Variants in ZNF438 observed in about 807,000 individuals in gnomAD.
ZNF438 encodes the protein zinc finger protein 438.
ZNF438 carries 25 observed loss-of-function variants against 38.0 expected under a neutral mutation model. The ratio of observed to expected loss-of-function variants is 0.66; its 90% CI spans 0.48 to 0.92. The LOEUF is 0.92. Among genes scored for constraint, ZNF438 ranks in the 40% least tolerant of loss-of-function variants. ZNF438 has a pLI of 0.00. For synonymous variants in ZNF438, 372 were observed against 364.1 expected (o/e 1.02, Z -0.25); for missense variants, 1,007 against 999.6 (o/e 1.01, Z -0.10).
intron 1 of ZNF438, among the ~76,000 whole-genome samples, chr10:31,015,679 G>A (rs1418932256): frequency 6.6e-6 from 1 of 152,118 alleles, no homozygotes; most frequent in Non-Finnish European, 1.5e-5. Flanking sequence ...ATTTATAGAA[G>A]GAAAACTTGA....
intron 1 of ZNF438, among the ~76,000 whole-genome samples, chr10:31,022,772 A>G (rs1262605028): frequency 6.6e-6 from 1 of 152,184 alleles, no homozygotes; most frequent in Non-Finnish European, 1.5e-5. Flanking sequence ...CTCATCCGCC[A>G]TATTCACCTG....
intron 1 of ZNF438, among the ~76,000 whole-genome samples, chr10:30,948,066 T>C (rs1158652090): frequency 6.6e-6 from 1 of 152,178 alleles, no homozygotes; most frequent in Non-Finnish European, 1.5e-5. Flanking sequence ...ACGGGCAGAC[T>C]GCCTCCTCAA....
chr10:30,928,126 C>T (rs771181001), intron 2 of ZNF438, among the ~76,000 whole-genome samples: 11 of 152,014 alleles, frequency 7.2e-5, no homozygotes, highest in Non-Finnish European at 1.2e-4. Flanking sequence ...CAAAGAGAGG[C>T]GACGGAACTC....
chr10:30,883,461 C>T (rs1038830784), intron 3 of ZNF438, among the ~76,000 whole-genome samples: 53 of 152,002 alleles, frequency 3.5e-4, no homozygotes, highest in African/African-American at 1.1e-3. Context: ...ATTTAAAATA[C>T]ACAAAAAATG....
At chr10:31,013,580 C>T (rs981114823) in intron 1 of ZNF438, among the ~76,000 whole-genome samples, 42 of 152,170 alleles carry the variant, frequency 2.8e-4, no homozygotes, top group Non-Finnish European at 2.2e-4. Context: ...AACAAACACA[C>T]GCACATTCTT....
intron 2 of ZNF438, among the ~76,000 whole-genome samples, chr10:30,912,494 T>C (rs145278957): frequency 7.8e-4 from 119 of 152,226 alleles, no homozygotes; most frequent in Non-Finnish European, 1.2e-3. Context: ...ATCTCATCCA[T>C]TTCACAGAGA....
At position 30,928,649 on chromosome 10, in the gene ZNF438, C is replaced by CT. The variant is rs200465545; in HGVS notation, c.-115+12925dup. On this transcript the variant is annotated intron_variant, in intron 2 of 5. Coordinates refer to ENST00000413025, the Ensembl canonical transcript of ZNF438. The stretch of plus-strand genomic sequence containing the variant: ...GTCTTATTTGTTCTTATTCAAAGCA[C>CT]TTTTTTTTTGACATTTGTTTTGCCT... Among the ~76,000 whole-genome samples, 127 of 151,152 alleles carry CT rather than the reference C, an allele frequency of 8.4e-4. No homozygotes were observed. The East Asian group carries it at 0.023, about 27-fold the overall frequency.
chr10:30,845,029 G>C, exon 6 of ZNF438: 2 of 1,614,186 alleles, frequency 1.2e-6, no homozygotes, highest in South Asian at 2.2e-5. Context: ...ATAGCCCACA[G>C]TTTGGAAGGG....
At position 30,938,369 on chromosome 10, in the gene ZNF438, G is replaced by A. The variant is rs529821306; in HGVS notation, c.-115+3206C>T. On this transcript the variant is annotated intron_variant, in intron 2 of 5. Transcript: ENST00000413025. ...CAGCTCACTGCAACCTCTGCCTCCC[G>A]GATTCAAGCGATTCTCCTGTCTCAG... 4.0e-5 allele frequency among the ~76,000 whole-genome samples: 6 copies of A among 151,610 alleles called. No individual in the cohort carries two copies. In the South Asian group the frequency reaches 6.2e-4, roughly 16 times the overall value.
chr10:30,846,810 C>T (rs558963161), intron 5 of ZNF438, among the ~76,000 whole-genome samples: 1 of 152,320 alleles, frequency 6.6e-6, no homozygotes, highest in East Asian at 1.9e-4. Context: ...CCCCTTTCCC[C>T]CCACGGGCTC....
chr10:30,852,203 ATTTTCTT>A (rs1434636932), intron 4 of ZNF438, among the ~76,000 whole-genome samples: 3 of 138,516 alleles, frequency 2.2e-5, no homozygotes, highest in East Asian at 2.0e-4. Flanking sequence ...ATCAACCTTG[ATTTTCTT>A]TTTTCTTTTT....
intron 3 of ZNF438, among the ~76,000 whole-genome samples, chr10:30,895,871 T>C (rs887406054): frequency 2.6e-5 from 4 of 152,210 alleles, no homozygotes; most frequent in African/African-American, 9.7e-5. Flanking sequence ...GGTGAGGATA[T>C]GGAGGAATTG....
At chr10:30,990,479 C>T (rs1051031895) in intron 1 of ZNF438, among the ~76,000 whole-genome samples, 1 of 152,196 alleles carries the variant, frequency 6.6e-6, no homozygotes, top group African/African-American at 2.4e-5. Flanking sequence ...CCCTCAGGTC[C>T]AACCTCCAAT....
chr10:30,952,563 C>A (rs1434625684), intron 1 of ZNF438, among the ~76,000 whole-genome samples: 4 of 142,632 alleles, frequency 2.8e-5, no homozygotes, highest in Admixed American at 2.1e-4. Flanking sequence ...AAGAAAAAAA[C>A]AAACAACCCC....
intron 3 of ZNF438, among the ~76,000 whole-genome samples, chr10:30,890,653 T>A (rs1031376151): frequency 2.1e-4 from 32 of 152,252 alleles, no homozygotes; most frequent in Admixed American, 1.9e-3. Context: ...GCAACTAGAA[T>A]AATCTTTCCA....
chr10:30,871,014 T>C (rs2037325585), intron 4 of ZNF438, among the ~76,000 whole-genome samples: 1 of 152,030 alleles, frequency 6.6e-6, no homozygotes, highest in Non-Finnish European at 1.5e-5. Context: ...AAAGGGGAGA[T>C]ATGGCCAAGG....
chr10:30,909,805 T>C (rs1205435308), intron 2 of ZNF438, among the ~76,000 whole-genome samples: 1 of 152,204 alleles, frequency 6.6e-6, no homozygotes, highest in African/African-American at 2.4e-5. Context: ...AGCAGTCATA[T>C]GGTAACCACC....
chr10:30,945,453 C>G (rs2047289953), intron 1 of ZNF438, among the ~76,000 whole-genome samples: 1 of 150,266 alleles, frequency 6.7e-6, no homozygotes, highest in South Asian at 2.1e-4. Context: ...GCACATTGTG[C>G]AGGTTAGTTA....
Position 30,995,215 on chromosome 10 carries a change from T to C in ZNF438, c.-192+36618A>G, listed in dbSNP as rs370552762. Among the ~76,000 whole-genome samples, 45 of 151,934 alleles carry C rather than the reference T, an allele frequency of 3.0e-4. 2 individuals are homozygous for C. Among genetic ancestry groups the C allele is most frequent in the African/African-American group, 9.9e-4 (41 of 41,378 alleles). The stretch of plus-strand genomic sequence containing the variant: ...ACTTCCAGACACATTACAGGCAAAA[T>C]CTTGAGAGCCAAAGACAAGGAGAAA... On this transcript the variant is annotated intron_variant, in intron 1 of 5. Transcript: ENST00000413025.
Sources: gnomAD v4.1 joint callset for allele counts (sites outside exome capture counted in the v4.1 genomes callset) on GRCh38, gnomAD v4.1.1 for gene constraint, MANE v1.5 for transcripts, NCBI Gene and HGNC (gene_info 2026-07-23, HGNC 2026-07-21) for gene names.